Variants in FGF14 observed in about 807,000 individuals in gnomAD.
The protein encoded by FGF14 is fibroblast growth factor homologous factor 4.
Under a neutral mutation model 25.5 loss-of-function variants are expected in FGF14, and 5 were observed. The observed-to-expected ratio is 0.20, with a 90% CI of 0.10 to 0.41. The LOEUF (loss-of-function observed/expected upper bound fraction) is 0.41. FGF14 is among the 10% of genes least tolerant of loss of function. The pLI, the probability that FGF14 is intolerant of heterozygous loss-of-function variation, is 1.00. For missense variants in FGF14, 222 were observed against 320.1 expected (o/e 0.69, Z 2.34); for synonymous variants, 138 against 118.3 (o/e 1.17, Z -1.08).
chr13:102,175,410 C>T (rs2048406425), intron 1 of FGF14, among the ~76,000 whole-genome samples: 1 of 152,076 alleles, frequency 6.6e-6, no homozygotes, highest in Non-Finnish European at 1.5e-5. Context: ...CAAAACTGGA[C>T]TCCTATCTCA....
At chr13:102,164,593 C>T (rs2047918595) in intron 1 of FGF14, among the ~76,000 whole-genome samples, 3 of 152,104 alleles carry the variant, frequency 2.0e-5, no homozygotes, top group African/African-American at 7.2e-5. Context: ...AGGGTAAAGT[C>T]ATAGAGACAA....
intron 1 of FGF14, among the ~76,000 whole-genome samples, chr13:102,068,563 C>T (rs1262464472): frequency 6.6e-6 from 1 of 152,196 alleles, no homozygotes; most frequent in South Asian, 2.1e-4. Context: ...GGCCTGCACT[C>T]GGAGCAGACG....
At chr13:101,869,314 G>A (rs898227271) in intron 2 of FGF14, among the ~76,000 whole-genome samples, 1 of 152,158 alleles carries the variant, frequency 6.6e-6, no homozygotes, top group Non-Finnish European at 1.5e-5. Flanking sequence ...TGATACGCCA[G>A]CGAAGCCAGG....
At chr13:102,231,693 A>G (rs1452447706) in intron 1 of FGF14, among the ~76,000 whole-genome samples, 1 of 152,182 alleles carries the variant, frequency 6.6e-6, no homozygotes, top group Non-Finnish European at 1.5e-5. Flanking sequence ...CTAGAGAAAG[A>G]GCACAGAGAA....
chr13:101,752,000 G>A (rs2037315826), intron 3 of FGF14, among the ~76,000 whole-genome samples: 1 of 152,096 alleles, frequency 6.6e-6, no homozygotes, highest in Admixed American at 6.6e-5. Context: ...GATTTGCAGA[G>A]ACTACTGTGG....
intron 1 of FGF14, among the ~76,000 whole-genome samples, chr13:102,313,480 A>G (rs2055873789): frequency 6.6e-6 from 1 of 152,166 alleles, no homozygotes; most frequent in African/African-American, 2.4e-5. Flanking sequence ...ATCACTGATG[A>G]AACAGTCCCG....
chr13:101,833,785 C>A (rs1359858410), intron 3 of FGF14, among the ~76,000 whole-genome samples: 3 of 152,128 alleles, frequency 2.0e-5, no homozygotes, highest in Non-Finnish European at 4.4e-5. Context: ...TATTCAGCAT[C>A]TTGCCAATTT....
At chr13:101,985,693 T>C (rs758900744) in intron 1 of FGF14, among the ~76,000 whole-genome samples, 2 of 152,150 alleles carry the variant, frequency 1.3e-5, no homozygotes, top group Non-Finnish European at 2.9e-5. Flanking sequence ...TTCCAGCTCC[T>C]AGTGTCATCC....
At chr13:101,807,824 G>C (rs1001648562) in intron 3 of FGF14, among the ~76,000 whole-genome samples, 5 of 152,000 alleles carry the variant, frequency 3.3e-5, no homozygotes, top group South Asian at 2.1e-4. Flanking sequence ...TTAATGATTT[G>C]AGCTTACAAT....
At chr13:102,275,403 A>G (rs1231280896) in intron 1 of FGF14, among the ~76,000 whole-genome samples, 1 of 152,096 alleles carries the variant, frequency 6.6e-6, no homozygotes, top group Non-Finnish European at 1.5e-5. Flanking sequence ...ACAAGGGGCT[A>G]TTATATTTTT....
At chr13:102,255,182 T>A (rs2052376778) in intron 1 of FGF14, among the ~76,000 whole-genome samples, 1 of 152,190 alleles carries the variant, frequency 6.6e-6, no homozygotes, top group Non-Finnish European at 1.5e-5. Flanking sequence ...TTCTTCTATA[T>A]TCTATTACTC....
intron 1 of FGF14, among the ~76,000 whole-genome samples, chr13:101,951,570 T>A (rs1205848973): frequency 6.6e-6 from 1 of 152,176 alleles, no homozygotes. Context: ...AAAATTAATA[T>A]TCCTTGTTTC....
intron 1 of FGF14, among the ~76,000 whole-genome samples, chr13:102,118,424 T>C (rs1432559953): frequency 6.6e-6 from 1 of 152,002 alleles, no homozygotes; most frequent in Non-Finnish European, 1.5e-5. Context: ...CCAGTGACAA[T>C]AAAAGCCTCT....
intron 1 of FGF14, among the ~76,000 whole-genome samples, chr13:101,932,394 G>A (rs147648067): frequency 0.012 from 1,756 of 151,894 alleles, 33 homozygotes; most frequent in African/African-American, 0.039. Flanking sequence ...TTAGCTGGGC[G>A]TGGTGGCTGG....
At chr13:102,323,090 G>C (rs566850939) in intron 1 of FGF14, among the ~76,000 whole-genome samples, 40 of 152,208 alleles carry the variant, frequency 2.6e-4, no homozygotes, top group Admixed American at 2.0e-3. Flanking sequence ...GACTCCAAAG[G>C]CTTTTGTTTC....
At chr13:101,919,623 C>T (rs2033847477), upstream of FGF14, among the ~76,000 whole-genome samples, 1 of 151,870 alleles carries the variant, frequency 6.6e-6, no homozygotes, top group Admixed American at 6.6e-5. Context: ...TGACATTCAG[C>T]ACCGCGGACA....
chr13:101,939,529 A>C (rs2035308434), intron 1 of FGF14, among the ~76,000 whole-genome samples: 1 of 152,242 alleles, frequency 6.6e-6, no homozygotes, highest in Admixed American at 6.5e-5. Flanking sequence ...TGAAGATGTT[A>C]CACTTAGGCC....
intron 2 of FGF14, among the ~76,000 whole-genome samples, chr13:101,873,029 GAA>G (rs200608971): frequency 4.9e-5 from 7 of 141,524 alleles, no homozygotes; most frequent in East Asian, 2.0e-4. Flanking sequence ...AGATACAGAA[GAA>G]AAAAAAAAAA....
intron 1 of FGF14, chr13:102,367,741 A>G (rs1233643534): frequency 6.6e-6 from 1 of 152,244 alleles, no homozygotes; most frequent in Non-Finnish European, 1.5e-5. Context: ...GATCAAGGAT[A>G]CATGATCTAA....
Sources: gnomAD v4.1 joint callset for allele counts (sites outside exome capture counted in the v4.1 genomes callset) on GRCh38, gnomAD v4.1.1 for gene constraint, MANE v1.5 for transcripts, NCBI Gene and HGNC (gene_info 2026-07-23, HGNC 2026-07-21) for gene names.